CHRNA4: variants seen among roughly 807,000 people sequenced by gnomAD.
The protein encoded by CHRNA4 is neuronal acetylcholine receptor subunit alpha-4.
A neutral mutation model predicts 48.9 loss-of-function variants in CHRNA4; 28 were observed. That is an observed-to-expected ratio of 0.57 (90% CI 0.42 to 0.79). The LOEUF is 0.79. CHRNA4 is among the 30% of genes least tolerant of loss of function. The pLI is 0.00. For synonymous variants in CHRNA4, 425 were observed against 402.3 expected, an observed-to-expected ratio of 1.06 and a Z score of -0.68; for missense variants, 859 against 898.4, an observed-to-expected ratio of 0.96 and a Z score of 0.56.
At position 63,349,776 on chromosome 20, in the gene CHRNA4, C is replaced by T. The variant is rs121912283; in HGVS notation, c.1635G>A (p.Thr545=). The change falls in exon 5 of 6, where the codon ACG becomes ACA. Residue 545 remains threonine (T), a synonymous_variant. Coordinates refer to ENST00000370263, the MANE Select transcript of CHRNA4 (RefSeq NM_000744.7). ...KEPSSVSPSA[T]VKTRSTKAPP... ...GCGCTTTGGTGCTGCGGGTCTTGAC[C>T]GTGGCGCTCGGGGACACCGAAGAGG... The T allele has an allele frequency of 3.4e-4, 549 of 1,610,448 alleles. 1 individual carries two copies. Among genetic ancestry groups the T allele is most frequent in the Non-Finnish European group, 4.3e-4 (509 of 1,178,326 alleles).
intron 5 of CHRNA4, among the ~76,000 whole-genome samples, chr20:63,348,344 C>T (rs1391441092): frequency 6.6e-6 from 1 of 152,250 alleles, no homozygotes; most frequent in Non-Finnish European, 1.5e-5. Flanking sequence ...AAAGCAGGAT[C>T]CCGATGCTTC....
At chr20:63,359,976 A>G in intron 1 of CHRNA4, 1 of 406,192 alleles carries the variant, frequency 2.5e-6, no homozygotes, top group Non-Finnish European at 4.6e-6. Context: ...GCTCTCTCCC[A>G]CCCCTGGGTG....
rs1393762107 is a variant in CHRNA4, at chr20:63,344,732, C to T, written c.*2006G>A. ...ACATCTGAAATCTGCGTCTCTATCCCTCCTCTGAGACCAGTGTCTCCTGCC... is the reference window on the plus strand; with the variant it reads ...ACATCTGAAATCTGCGTCTCTATCCTTCCTCTGAGACCAGTGTCTCCTGCC... On this transcript the variant is annotated 3_prime_UTR_variant, in exon 6 of 6. Coordinates refer to ENST00000370263, the MANE Select transcript of CHRNA4 (RefSeq NM_000744.7). The surrounding 1 kb of genome is among the most constrained non-coding windows in gnomAD (Gnocchi z 4.5). 2.2e-6 allele frequency: 1 copy of T among 454,140 alleles called. No homozygotes were observed. Among genetic ancestry groups the T allele is most frequent in the Non-Finnish European group, 4.4e-6 (1 of 226,802 alleles). 28.1% of individuals were successfully genotyped at this position (454,140 alleles called of 1,614,324 possible). A position where few individuals can be genotyped will look rare whatever the true frequency, so the allele number is the denominator to read the frequency against.
At chr20:63,358,950 G>T (rs1249737167) in intron 2 of CHRNA4, among the ~76,000 whole-genome samples, 1 of 146,636 alleles carries the variant, frequency 6.8e-6, no homozygotes, top group African/African-American at 2.5e-5. Context: ...TTCCTATCCT[G>T]CCTTGGGGCT....
Position 63,350,671 on chromosome 20 carries a change from G to A in CHRNA4, c.740C>T (p.Thr247Ile). The part of the protein sequence containing the change: ...FVIRRLPLFY[T>I]INLIIPCLLI... ...CAGGCAGGGGATGATGAGGTTGATG[G>A]TGTAGAAGAGCGGCAGCCGCCGGAT... Residue 247 changes from threonine to isoleucine, a missense_variant, in exon 5 of 6, where the codon ACC becomes ATC. Transcript: ENST00000370263. 3 of 1,614,050 alleles carry A rather than the reference G, an allele frequency of 1.9e-6. No individual in the cohort carries two copies. Among genetic ancestry groups the A allele is most frequent in the African/African-American group, 1.3e-5 (1 of 75,014 alleles).
rs1313710385 is a variant in CHRNA4 at position 63,344,339 on chromosome 20, G to A, written c.*2399C>T. On this transcript the variant is annotated 3_prime_UTR_variant, in exon 6 of 6. Transcript: ENST00000370263. This position sits in a 1 kb window ranked among gnomAD's most constrained non-coding sequence, Gnocchi z 4.5. ...GAAGGGCTGGAGGGACCTTCTAGGG[G>A]CTGGGTCTCCACTGAAGAGCATGCA... 2 of 454,080 alleles carry A rather than the reference G, an allele frequency of 4.4e-6. No individual in the cohort carries two copies. Among genetic ancestry groups the A allele is most frequent in the East Asian group, 6.9e-5 (1 of 14,400 alleles). 28.1% of individuals were successfully genotyped at this position (454,080 alleles called of 1,614,324 possible). A position where few individuals can be genotyped will look rare whatever the true frequency, so the allele number is the denominator to read the frequency against.
rs764393796 is a variant in CHRNA4 at position 63,349,785 on chromosome 20, C to T, written c.1626G>A (p.Pro542=). Residue 542 remains proline, a synonymous_variant, in exon 5 of 6, where the codon CCG becomes CCA. Coordinates refer to ENST00000370263, the MANE Select transcript of CHRNA4 (RefSeq NM_000744.7). ...TGCTGCGGGTCTTGACCGTGGCGCTCGGGGACACCGAAGAGGGCTCCTTCT... is the reference window on the plus strand; with the variant it reads ...TGCTGCGGGTCTTGACCGTGGCGCTTGGGGACACCGAAGAGGGCTCCTTCT... ...TCKKEPSSVS[P]SATVKTRSTK... 1.2e-5 allele frequency: 19 copies of T among 1,608,752 alleles called. No individual in the cohort carries two copies. The highest frequency in any genetic ancestry group is 2.2e-5 in the South Asian group (2 of 90,948).
intron 2 of CHRNA4, among the ~76,000 whole-genome samples, chr20:63,358,764 G>A (rs1167911245): frequency 1.3e-5 from 2 of 152,218 alleles, no homozygotes; most frequent in Non-Finnish European, 1.5e-5. Context: ...CATTTGGAGT[G>A]GCTGAGCCTG....
Position 63,361,155 on chromosome 20 carries a change from C to G in CHRNA4, c.11G>C (p.Gly4Ala). ...CAGCAGCCGCGGCGCTCCGGGGCCC[C>G]CTAGCTCCATGGCGCACGCACCTCG... MELGGPGAPRLLPP... is the reference protein window; with the variant it reads MELAGPGAPRLLPP... The change falls in exon 1 of 6, where the codon GGG (glycine) becomes GCG (alanine). Residue 4 changes from glycine to alanine, a missense_variant. Physicochemically the swap from Gly to Ala is moderately conservative, Grantham distance 60. This residue lies in a region of CHRNA4 where 342 missense variants were observed against 365.3 expected (regional missense o/e 0.94). Coordinates refer to ENST00000370263, the MANE Select transcript of CHRNA4 (RefSeq NM_000744.7). 1.4e-6 allele frequency: 2 copies of G among 1,480,798 alleles called. No homozygotes were observed. The highest frequency in any genetic ancestry group is 1.8e-6 in the Non-Finnish European group (2 of 1,121,964). The allele number at this position is 1,480,798 out of a possible 1,614,324, so 91.7% of individuals were successfully genotyped here. A position where few individuals can be genotyped will look rare whatever the true frequency, so the allele number is the denominator to read the frequency against.
Position 63,344,478 on chromosome 20 carries a change from T to TG in CHRNA4, c.*2259_*2260insC, listed in dbSNP as rs11480478. 62 of 377,144 alleles carry TG rather than the reference T, an allele frequency of 1.6e-4. No homozygotes were observed. In the East Asian group the frequency reaches 2.6e-3, roughly 16 times the overall value. The allele number at this position is 377,144 out of a possible 1,614,324, so 23.4% of individuals were successfully genotyped here. A position where few individuals can be genotyped will look rare whatever the true frequency, so the allele number is the denominator to read the frequency against. On this transcript the variant is annotated 3_prime_UTR_variant, in exon 6 of 6. Coordinates refer to ENST00000370263, the MANE Select transcript of CHRNA4 (RefSeq NM_000744.7). This position sits in a 1 kb window ranked among gnomAD's most constrained non-coding sequence, Gnocchi z 4.5. ...GTGGGAATATGGTGCTTTATTTGGATTTTTTTTTTGAGCCTCAAAAAAAAA... is the reference window on the plus strand; with the variant it reads ...GTGGGAATATGGTGCTTTATTTGGATGTTTTTTTTTGAGCCTCAAAAAAAAA...
In CHRNA4 at chr20:63,350,250, C is replaced by G. The variant is rs1064795592; in HGVS notation, c.1161G>C (p.Glu387Asp). The change falls in exon 5 of 6, where the codon GAG becomes GAC. Residue 387 changes from glutamate to aspartate, a missense_variant. This residue lies in a region of CHRNA4 where 478 missense variants were observed against 455.4 expected (regional missense o/e 1.05). Coordinates refer to ENST00000370263, the MANE Select transcript of CHRNA4 (RefSeq NM_000744.7). ...KMASAPRFWPEPEGEPPATSG... is the reference protein window; with the variant it reads ...KMASAPRFWPDPEGEPPATSG... ...TCGTGGCAGGGGGCTCCCCTTCTGG[C>G]TCGGGCCAGAAGCGCGGGGCACTGG... 1.2e-6 allele frequency: 2 copies of G among 1,609,918 alleles called. No homozygotes were observed. The highest frequency in any genetic ancestry group is 1.7e-6 in the Non-Finnish European group (2 of 1,178,726).
chr20:63,350,355 C>T lies in CHRNA4; in HGVS notation c.1056G>A (p.Val352=). The T allele has an allele frequency of 1.2e-6, 2 of 1,613,570 alleles. No individual in the cohort carries two copies. Among genetic ancestry groups the T allele is most frequent in the South Asian group, 1.1e-5 (1 of 91,084 alleles). ...GCCGCTTCATGAGGAGCAGGCGTGG[C>T]ACGATGTCCAGGAAGACCCTGCGTA... ...TWVRRVFLDI[V]PRLLLMKRPS... The change falls in exon 5 of 6, where the codon GTG becomes GTA. Residue 352 remains valine, a synonymous_variant. Transcript: ENST00000370263.
At chr20:63,355,412 G>A (rs2068701509) in intron 4 of CHRNA4, 1 of 874,780 alleles carries the variant, frequency 1.1e-6, no homozygotes, top group East Asian at 6.4e-5. Flanking sequence ...CTGGGGACCT[G>A]GCGTGACATG....
At chr20:63,355,672 C>T in intron 4 of CHRNA4, 1 of 1,090,372 alleles carries the variant, frequency 9.2e-7, no homozygotes, top group South Asian at 1.3e-5. Context: ...GGCAGGGACA[C>T]TGTGTCCAGG....
intron 2 of CHRNA4, 68 bp downstream of exon 2, chr20:63,359,480 A>G: frequency 6.2e-7 from 1 of 1,601,404 alleles, no homozygotes; most frequent in South Asian, 1.1e-5. Flanking sequence ...CCCTCTGCCC[A>G]CCCAGACCCC....
In CHRNA4 at chr20:63,358,227, G is replaced by A. The variant is rs371644282; in HGVS notation, c.228+1321C>T. The stretch of plus-strand genomic sequence containing the variant: ...GGCTGGCTGACTGGAGTCTCCATGC[G>A]CTGCCCTGCATGGGCAACTGCCACC... On this transcript the variant is annotated intron_variant, in intron 2 of 5. Coordinates refer to ENST00000370263, the MANE Select transcript of CHRNA4 (RefSeq NM_000744.7). 3.9e-4 allele frequency among the ~76,000 whole-genome samples: 59 copies of A among 152,274 alleles called. 1 individual carries two copies. The South Asian group carries it at 9.1e-3, about 24-fold the overall frequency.
rs1256827112 is a variant in CHRNA4, at chr20:63,343,291, C to G, written c.*3447G>C. 2.2e-6 allele frequency: 1 copy of G among 444,888 alleles called. No individual in the cohort carries two copies. Among genetic ancestry groups the G allele is most frequent in the East Asian group, 7.1e-5 (1 of 14,158 alleles). The allele number at this position is 444,888 out of a possible 1,614,324, so 27.6% of individuals were successfully genotyped here. Reference sequence around the variant, plus strand: ...GGAGCACATTCCAGGGCTTGGCAGACATTGCCTGCAGAAGCCGGGCGGCCG... The same window carrying G: ...GGAGCACATTCCAGGGCTTGGCAGAGATTGCCTGCAGAAGCCGGGCGGCCG... On this transcript the variant is annotated 3_prime_UTR_variant, in exon 6 of 6. Coordinates refer to ENST00000370263, the MANE Select transcript of CHRNA4 (RefSeq NM_000744.7).
chr20:63,354,952 G>A (rs2068695870), intron 4 of CHRNA4, among the ~76,000 whole-genome samples: 3 of 152,254 alleles, frequency 2.0e-5, no homozygotes, highest in East Asian at 1.9e-4. Context: ...GGCCCTTCCC[G>A]CTGCCATTAC....
chr20:63,358,774 G>A (rs939805461), intron 2 of CHRNA4, among the ~76,000 whole-genome samples: 3 of 152,224 alleles, frequency 2.0e-5, no homozygotes, highest in Admixed American at 6.5e-5. Flanking sequence ...GGCTGAGCCT[G>A]GCTGGGAAAC....
Sources: allele counts gnomAD v4.1 joint callset (sites outside exome capture counted in the v4.1 genomes callset), GRCh38; gene constraint gnomAD v4.1.1; regional missense constraint gnomAD v4.1.1; non-coding constraint Gnocchi (gnomAD v3.1); transcripts MANE v1.5; gene names NCBI Gene and HGNC (gene_info 2026-07-23, HGNC 2026-07-21).